MEF2A: variants seen among roughly 807,000 people sequenced by gnomAD.
MEF2A encodes the protein myocyte enhancer factor 2A, also known as myocyte-specific enhancer factor 2A.
In MEF2A, 28 loss-of-function variants were observed where a neutral mutation model predicts 55.8. The ratio of observed to expected loss-of-function variants is 0.50; its 90% CI spans 0.37 to 0.69. The LOEUF (loss-of-function observed/expected upper bound fraction) is 0.69. Ranked by LOEUF, MEF2A falls within the 30% of genes least tolerant of loss-of-function variation. MEF2A has a pLI of 0.00. For synonymous variants in MEF2A, 239 were observed against 227.1 expected (o/e 1.05, Z -0.47); for missense variants, 528 against 626.2 (o/e 0.84, Z 1.67).
At chr15:99,603,543 TTGTG>T (rs1300288383) in intron 2 of MEF2A, among the ~76,000 whole-genome samples, 28 of 126,494 alleles carry the variant, frequency 2.2e-4, no homozygotes, top group South Asian at 8.5e-4. Context: ...CTGGCTGATT[TTGTG>T]TGTGTGTGTG....
chr15:99,666,651 T>G (rs2049824644), intron 4 of MEF2A, among the ~76,000 whole-genome samples: 3 of 151,422 alleles, frequency 2.0e-5, no homozygotes, highest in Admixed American at 2.0e-4. Context: ...CTTTTAAAGT[T>G]CCTCTTCTTT....
intron 4 of MEF2A, among the ~76,000 whole-genome samples, chr15:99,647,428 C>T (rs200230332): frequency 6.6e-6 from 1 of 152,150 alleles, no homozygotes; most frequent in Non-Finnish European, 1.5e-5. Context: ...GCAACCACCT[C>T]CTTAACCCTA....
At chr15:99,650,133 C>T (rs1171691000) in intron 4 of MEF2A, among the ~76,000 whole-genome samples, 3 of 152,030 alleles carry the variant, frequency 2.0e-5, no homozygotes, top group African/African-American at 4.8e-5. Flanking sequence ...AAATTCTTCT[C>T]GCAGTATCTC....
In MEF2A at chr15:99,645,642, A is replaced by G; in HGVS notation, c.136A>G (p.Ile46Val). 6.2e-7 allele frequency: 1 copy of G among 1,613,770 alleles called. No homozygotes were observed. The highest frequency in any genetic ancestry group is 8.5e-7 in the Non-Finnish European group (1 of 1,179,700). Residue 46 changes from isoleucine to valine, a missense_variant, in exon 4 of 12, where the codon ATC becomes GTC. Transcript: ENST00000557942. ...GCTCTGTGACTGTGAAATAGCACTC[A>G]TCATTTTCAACAGCTCTAACAAACT... is the stretch of plus-strand genomic sequence containing the variant. ...SVLCDCEIALIIFNSSNKLFQ... is the reference protein window; with the variant it reads ...SVLCDCEIALVIFNSSNKLFQ...
At chr15:99,594,211 GTTCTCACTACCCCTTC>G (rs1251102860) in intron 1 of MEF2A, among the ~76,000 whole-genome samples, 1 of 152,178 alleles carries the variant, frequency 6.6e-6, no homozygotes, top group Non-Finnish European at 1.5e-5. Flanking sequence ...TAAATCAGGG[GTTCTCACTACCCCTTC>G]TTCTGGTTTG....
intron 1 of MEF2A, among the ~76,000 whole-genome samples, chr15:99,588,669 C>G (rs1336461050): frequency 6.6e-6 from 1 of 151,892 alleles, no homozygotes; most frequent in Non-Finnish European, 1.5e-5. Flanking sequence ...TTCTCAAACC[C>G]TGGCCTCAGG....
chr15:99,635,697 G>A (rs1353236778), intron 3 of MEF2A, among the ~76,000 whole-genome samples: 5 of 151,998 alleles, frequency 3.3e-5, no homozygotes, highest in African/African-American at 7.3e-5. Context: ...GTCTTCTTTC[G>A]CACAATATTA....
At chr15:99,600,878 A>T (rs987882601) in intron 2 of MEF2A, among the ~76,000 whole-genome samples, 2 of 152,000 alleles carry the variant, frequency 1.3e-5, no homozygotes, top group Admixed American at 6.6e-5. Flanking sequence ...TCTATTCTGG[A>T]TCCTTTTTAT....
chr15:99,635,780 G>A (rs150832626), intron 3 of MEF2A, among the ~76,000 whole-genome samples: 108 of 152,250 alleles, frequency 7.1e-4, no homozygotes, highest in African/African-American at 2.5e-3. Flanking sequence ...TTTCATTGAT[G>A]TATAATCTAT....
intron 3 of MEF2A, among the ~76,000 whole-genome samples, chr15:99,640,601 G>A (rs1365527796): frequency 2.1e-5 from 3 of 143,500 alleles, no homozygotes; most frequent in Non-Finnish European, 4.5e-5. Flanking sequence ...CTGTCACCCA[G>A]GCCAGAGTGC....
chr15:99,710,879 T>G (rs2058569451), intron 11 of MEF2A, 119 bp downstream of exon 11: 4 of 1,170,086 alleles, frequency 3.4e-6, no homozygotes, highest in Non-Finnish European at 1.2e-6. Context: ...ATGATTCCTT[T>G]TCAGGTAGAT....
At chr15:99,590,703 T>C (rs1001288694) in intron 1 of MEF2A, among the ~76,000 whole-genome samples, 11 of 152,020 alleles carry the variant, frequency 7.2e-5, no homozygotes, top group Admixed American at 2.0e-4. Flanking sequence ...CTTGAACTTA[T>C]CGCAATCCAC....
intron 7 of MEF2A, among the ~76,000 whole-genome samples, chr15:99,676,642 C>T (rs1003371467): frequency 2.6e-5 from 4 of 151,916 alleles, no homozygotes; most frequent in Admixed American, 6.6e-5. Context: ...GCGCCATCTC[C>T]GCTCACTGCA....
intron 2 of MEF2A, among the ~76,000 whole-genome samples, chr15:99,626,432 T>C (rs1171810333): frequency 6.6e-6 from 1 of 150,684 alleles, no homozygotes; most frequent in African/African-American, 2.4e-5. Context: ...GCTTCGTTGA[T>C]TTTTTTTTTC....
chr15:99,708,505 A>T (rs979135845), intron 10 of MEF2A, among the ~76,000 whole-genome samples: 5 of 152,264 alleles, frequency 3.3e-5, no homozygotes, highest in African/African-American at 1.2e-4. Context: ...TCTCAAAATC[A>T]TCAGTCGCTT....
At chr15:99,675,321 A>G in intron 6 of MEF2A, 78 bp from the exon 7 acceptor site, 1 of 1,189,356 alleles carries the variant, frequency 8.4e-7, no homozygotes, top group East Asian at 2.3e-5. Flanking sequence ...ATCTCTATTC[A>G]GTTCACGTTC....
chr15:99,706,535 T>C (rs770030513), intron 9 of MEF2A, 194 bp from the exon 10 acceptor site: 12 of 585,372 alleles, frequency 2.0e-5, no homozygotes, highest in African/African-American at 5.6e-5. Flanking sequence ...TTTAAAAGAA[T>C]TAATGTAAAA....
intron 4 of MEF2A, among the ~76,000 whole-genome samples, chr15:99,666,838 C>G (rs565421294): frequency 1.2e-4 from 19 of 152,186 alleles, no homozygotes; most frequent in Admixed American, 1.2e-3. Flanking sequence ...CATTTTAGAT[C>G]TTAATAGCTT....
At chr15:99,616,568 A>T (rs1261586468) in intron 2 of MEF2A, among the ~76,000 whole-genome samples, 1 of 152,190 alleles carries the variant, frequency 6.6e-6, no homozygotes, top group Admixed American at 6.5e-5. Context: ...AATAAGAGGC[A>T]ATTAAGCATA....
Sources: allele counts gnomAD v4.1 joint callset (sites outside exome capture counted in the v4.1 genomes callset), GRCh38; gene constraint gnomAD v4.1.1; transcripts MANE v1.5; gene names NCBI Gene and HGNC (gene_info 2026-07-23, HGNC 2026-07-21).